The following CCSER1 variants were observed in gnomAD, a reference collection of about 807,000 sequenced individuals.
CCSER1 encodes serine-rich coiled-coil domain-containing protein 1.
A neutral mutation model predicts 82.0 loss-of-function variants in CCSER1; 41 were observed. That is an observed-to-expected ratio of 0.50 (90% CI 0.39 to 0.65). CCSER1 has a LOEUF of 0.65. Among genes scored for constraint, CCSER1 ranks in the 30% least tolerant of loss-of-function variants. The pLI is 0.00. For missense variants in CCSER1, 1,119 were observed against 1,064.2 expected, an observed-to-expected ratio of 1.05 and a Z score of -0.72; for synonymous variants, 414 against 383.9, an observed-to-expected ratio of 1.08 and a Z score of -0.92.
chr4:91,546,961 T>C (rs1047725064), intron 10 of CCSER1, among the ~76,000 whole-genome samples: 1 of 142,672 alleles, frequency 7.0e-6, no homozygotes, highest in Non-Finnish European at 1.5e-5. Context: ...TTTAAATTTC[T>C]CTTGAGTTTT....
intron 10 of CCSER1, among the ~76,000 whole-genome samples, chr4:91,449,431 A>C (rs913333773): frequency 6.6e-6 from 1 of 152,012 alleles, no homozygotes; most frequent in African/African-American, 2.4e-5. Flanking sequence ...AGACATTTAG[A>C]CAGTTTAAAT....
intron 10 of CCSER1, among the ~76,000 whole-genome samples, chr4:91,435,964 G>T (rs149032585): frequency 4.6e-5 from 7 of 152,198 alleles, no homozygotes; most frequent in African/African-American, 1.2e-4. Context: ...GTAGAAGAAA[G>T]CTCCTTGGAT....
intron 3 of CCSER1, among the ~76,000 whole-genome samples, chr4:90,320,196 T>A (rs1431269744): frequency 6.6e-6 from 1 of 152,154 alleles, no homozygotes; most frequent in Non-Finnish European, 1.5e-5. Flanking sequence ...TAGCACCTGG[T>A]GGAAAAATAG....
intron 10 of CCSER1, among the ~76,000 whole-genome samples, chr4:91,355,559 A>C (rs1012554292): frequency 6.6e-6 from 1 of 152,120 alleles, no homozygotes; most frequent in Non-Finnish European, 1.5e-5. Context: ...TTTTTGTCCT[A>C]CCTCAGTGAC....
intron 9 of CCSER1, among the ~76,000 whole-genome samples, chr4:91,031,397 T>C (rs1740971272): frequency 6.6e-6 from 1 of 152,138 alleles, no homozygotes; most frequent in African/African-American, 2.4e-5. Context: ...AAACACATGT[T>C]TGAAAATAAA....
intron 10 of CCSER1, among the ~76,000 whole-genome samples, chr4:91,384,495 T>C (rs976661496): frequency 1.3e-5 from 2 of 151,926 alleles, no homozygotes; most frequent in Non-Finnish European, 2.9e-5. Context: ...AAAAAATAAA[T>C]GCTGTTAGGA....
intron 9 of CCSER1, among the ~76,000 whole-genome samples, chr4:90,982,944 CGATTGATAGTTATAGTAGTACATCTAAGT>C (rs1318484287): frequency 2.6e-5 from 4 of 151,774 alleles, no homozygotes; most frequent in African/African-American, 9.7e-5. Flanking sequence ...GCCAAGAACA[CGATTGATAGTTATAGTAGTACATCTAAGT>C]GCATTTCCTC....
chr4:91,087,067 C>G (rs1723462851), intron 10 of CCSER1, among the ~76,000 whole-genome samples: 1 of 152,068 alleles, frequency 6.6e-6, no homozygotes, highest in Non-Finnish European at 1.5e-5. Flanking sequence ...AGGAAGATCT[C>G]AGAACCTTTT....
chr4:91,530,690 T>C (rs1350147106), intron 10 of CCSER1, among the ~76,000 whole-genome samples: 2 of 151,342 alleles, frequency 1.3e-5, no homozygotes, highest in African/African-American at 2.4e-5. Context: ...CTTTCTTTTT[T>C]TTTTTTTTTT....
intron 7 of CCSER1, among the ~76,000 whole-genome samples, chr4:90,743,672 C>T (rs756926515): frequency 6.6e-6 from 1 of 152,156 alleles, no homozygotes; most frequent in South Asian, 2.1e-4. Flanking sequence ...TTTAAAAATG[C>T]TGAGCAAAAT....
chr4:91,252,653 A>G (rs1740339926), intron 10 of CCSER1, among the ~76,000 whole-genome samples: 1 of 152,186 alleles, frequency 6.6e-6, no homozygotes, highest in Non-Finnish European at 1.5e-5. Flanking sequence ...TAAAGACACA[A>G]TTCTGTGACC....
chr4:90,662,237 T>G (rs1395688005), intron 6 of CCSER1, among the ~76,000 whole-genome samples: 1 of 152,054 alleles, frequency 6.6e-6, no homozygotes, highest in Non-Finnish European at 1.5e-5. Context: ...GACCTCGTGA[T>G]CCGCCCACCT....
intron 4 of CCSER1, among the ~76,000 whole-genome samples, chr4:90,411,108 G>A (rs1560475118): frequency 6.6e-6 from 1 of 152,116 alleles, no homozygotes; most frequent in Non-Finnish European, 1.5e-5. Flanking sequence ...CCAATAATAG[G>A]CTCTGAAATT....
At chr4:91,084,394 A>G (rs576750278) in intron 9 of CCSER1, among the ~76,000 whole-genome samples, 2 of 152,138 alleles carry the variant, frequency 1.3e-5, no homozygotes, top group Non-Finnish European at 2.9e-5. Flanking sequence ...TAGCAAATAC[A>G]TTTGGTAGCT....
intron 6 of CCSER1, among the ~76,000 whole-genome samples, chr4:90,634,090 T>G (rs1160221372): frequency 6.6e-6 from 1 of 151,784 alleles, no homozygotes; most frequent in Non-Finnish European, 1.5e-5. Flanking sequence ...AGAAAATGTT[T>G]AATATCTACA....
intron 10 of CCSER1, among the ~76,000 whole-genome samples, chr4:91,145,273 G>A (rs1722774911): frequency 1.3e-5 from 2 of 152,018 alleles, no homozygotes; most frequent in Non-Finnish European, 2.9e-5. Context: ...TACATGAATA[G>A]TGTTCCCTAC....
At chr4:90,859,834 G>A (rs77496124) in intron 8 of CCSER1, among the ~76,000 whole-genome samples, 25,660 of 151,632 alleles carry the variant, frequency 0.17, 2,632 homozygotes, top group South Asian at 0.27. Flanking sequence ...GATCTTTGCC[G>A]TTGTTGAATG....
At chr4:90,282,753 A>T (rs1444784192) in intron 1 of CCSER1, among the ~76,000 whole-genome samples, 1 of 151,906 alleles carries the variant, frequency 6.6e-6, no homozygotes, top group African/African-American at 2.4e-5. Context: ...AGAGGCTGCA[A>T]TCCTTATGAG....
At chr4:91,132,886 T>C (rs1728117536) in intron 10 of CCSER1, among the ~76,000 whole-genome samples, 1 of 152,202 alleles carries the variant, frequency 6.6e-6, no homozygotes, top group Non-Finnish European at 1.5e-5. Context: ...CTCTGCATTT[T>C]CATAACGTCA....
Sources: gnomAD v4.1 joint callset for allele counts (sites outside exome capture counted in the v4.1 genomes callset) on GRCh38, gnomAD v4.1.1 for gene constraint, MANE v1.5 for transcripts, NCBI Gene and HGNC (gene_info 2026-07-23, HGNC 2026-07-21) for gene names.